FOXP2: variants seen among roughly 807,000 people sequenced by gnomAD.
The protein encoded by FOXP2 is forkhead box protein P2.
In FOXP2, 12 loss-of-function variants were observed where a neutral mutation model predicts 115.8. That is an observed-to-expected ratio of 0.10 (90% CI 0.07 to 0.17). FOXP2 has a LOEUF of 0.17. Among genes scored for constraint, FOXP2 ranks in the 10% least tolerant of loss-of-function variants. FOXP2 has a pLI of 1.00. For synonymous variants in FOXP2, 328 were observed against 297.7 expected, an observed-to-expected ratio of 1.10 and a Z score of -1.05; for missense variants, 629 against 843.5, an observed-to-expected ratio of 0.75 and a Z score of 3.15.
chr7:114,165,765 A>G (rs1372470247), intron 1 of FOXP2, among the ~76,000 whole-genome samples: 1 of 152,278 alleles, frequency 6.6e-6, no homozygotes, highest in East Asian at 1.9e-4. Context: ...TTGACAAACT[A>G]ATTCATGAGT....
chr7:114,321,135 C>G (rs1212486361), intron 2 of FOXP2, among the ~76,000 whole-genome samples: 1 of 152,004 alleles, frequency 6.6e-6, no homozygotes, highest in African/African-American at 2.4e-5. Flanking sequence ...AGTTAGGTAA[C>G]AAGGAGCCTC....
chr7:114,483,580 T>G (rs1045522048), intron 2 of FOXP2, among the ~76,000 whole-genome samples: 5 of 151,794 alleles, frequency 3.3e-5, no homozygotes, highest in Non-Finnish European at 7.4e-5. Context: ...CTCTTTCAAC[T>G]GGATGACATC....
chr7:114,145,948 A>T (rs969077465), intron 1 of FOXP2, among the ~76,000 whole-genome samples: 3 of 152,202 alleles, frequency 2.0e-5, no homozygotes, highest in Admixed American at 2.0e-4. Flanking sequence ...AAGTAGCAAA[A>T]CATTATTCTT....
chr7:114,108,842 T>C (rs1444049586), intron 1 of FOXP2, among the ~76,000 whole-genome samples: 1 of 151,986 alleles, frequency 6.6e-6, no homozygotes, highest in Non-Finnish European at 1.5e-5. Context: ...AAATGTTTCA[T>C]TTAATTGCTA....
chr7:114,299,715 T>C (rs1288418824), intron 2 of FOXP2, among the ~76,000 whole-genome samples: 4 of 151,938 alleles, frequency 2.6e-5, no homozygotes, highest in Non-Finnish European at 5.9e-5. Context: ...ATTTGAGGAG[T>C]TGGACCCTCA....
Position 114,690,344 on chromosome 7 carries a change from C to T in FOXP2, c.*418C>T, listed in dbSNP as rs1203209016. ...AGTTTCATTAATGTGAATTTTCCAG[C>T]ATTCAGTAGTTGTAATGTTAGAAAC... is the stretch of plus-strand genomic sequence containing the variant. On this transcript the variant is annotated 3_prime_UTR_variant, in exon 17 of 17. Coordinates refer to ENST00000350908, the MANE Select transcript of FOXP2 (RefSeq NM_014491.4). 4 of 454,226 alleles carry T rather than the reference C, an allele frequency of 8.8e-6. No homozygotes were observed. Among genetic ancestry groups the T allele is most frequent in the East Asian group, 1.4e-4 (2 of 14,414 alleles). The allele number at this position is 454,226 out of a possible 1,614,324, so 28.1% of individuals were successfully genotyped here.
chr7:114,574,065 A>T (rs17374201), intron 3 of FOXP2, among the ~76,000 whole-genome samples: 12,833 of 151,778 alleles, frequency 0.085, 609 homozygotes, highest in Middle Eastern at 0.16. Flanking sequence ...ATTGTTGAAC[A>T]GTAGTGATAT....
chr7:114,353,046 T>A (rs1475321784), intron 2 of FOXP2, among the ~76,000 whole-genome samples: 2 of 152,042 alleles, frequency 1.3e-5, no homozygotes, highest in African/African-American at 4.8e-5. Flanking sequence ...TCCTATCAAA[T>A]GGGATAGGTT....
upstream of FOXP2, chr7:114,086,678 A>G (rs902709912): frequency 7.1e-6 from 2 of 281,808 alleles, no homozygotes; most frequent in Admixed American, 4.9e-5. Context: ...AGCCACCTCC[A>G]CGCTGGGCCG....
chr7:114,276,794 TC>T (rs752617591), intron 1 of FOXP2, among the ~76,000 whole-genome samples: 1 of 152,200 alleles, frequency 6.6e-6, no homozygotes, highest in Non-Finnish European at 1.5e-5. Flanking sequence ...AATTGATTTT[TC>T]AGCCTGTTCA....
chr7:114,145,949 CATT>C (rs1430520430), intron 1 of FOXP2, among the ~76,000 whole-genome samples: 1 of 152,020 alleles, frequency 6.6e-6, no homozygotes, highest in Non-Finnish European at 1.5e-5. Context: ...AGTAGCAAAA[CATT>C]ATTCTTTACA....
Position 114,309,406 on chromosome 7 carries a change from A to C in FOXP2, c.-11+21297A>C, listed in dbSNP as rs926221096. 2.6e-5 allele frequency among the ~76,000 whole-genome samples: 4 copies of C among 152,326 alleles called. No homozygotes were observed. The South Asian group carries it at 6.2e-4, about 24-fold the overall frequency. On this transcript the variant is annotated intron_variant, in intron 2 of 17. Coordinates refer to the FOXP2 transcript ENST00000634411. ...TCATAGCAGGTGCTGTAAGTCTGGCATGCAGTGGTAGCTTCTGCATCGGAA... is the reference window on the plus strand; with the variant it reads ...TCATAGCAGGTGCTGTAAGTCTGGCCTGCAGTGGTAGCTTCTGCATCGGAA...
chr7:114,209,249 C>T (rs962107336), intron 1 of FOXP2, among the ~76,000 whole-genome samples: 12 of 152,164 alleles, frequency 7.9e-5, no homozygotes, highest in African/African-American at 2.9e-4. Flanking sequence ...GTTTGCTTCC[C>T]CTTCCACCAT....
chr7:114,441,165 C>T (rs572556339), intron 2 of FOXP2, among the ~76,000 whole-genome samples: 13 of 152,002 alleles, frequency 8.6e-5, no homozygotes, highest in South Asian at 8.3e-4. Context: ...TCGGAATGTT[C>T]GGCTGGGTGT....
intron 2 of FOXP2, among the ~76,000 whole-genome samples, chr7:114,352,318 A>C (rs1375177446): frequency 6.6e-6 from 1 of 152,098 alleles, no homozygotes; most frequent in African/African-American, 2.4e-5. Flanking sequence ...AAGTTGAGTC[A>C]GAAAGGTTAT....
intron 2 of FOXP2, among the ~76,000 whole-genome samples, chr7:114,363,093 A>G (rs1187868369): frequency 6.6e-6 from 1 of 152,112 alleles, no homozygotes; most frequent in Admixed American, 6.6e-5. Context: ...TCTCAATGGG[A>G]TAATAGATCA....
chr7:114,503,688 T>C (rs910967709), intron 2 of FOXP2, among the ~76,000 whole-genome samples: 2 of 151,306 alleles, frequency 1.3e-5, no homozygotes, highest in South Asian at 2.1e-4. Context: ...TAATCCACCT[T>C]TTACCTGCTG....
intron 2 of FOXP2, among the ~76,000 whole-genome samples, chr7:114,401,140 T>C (rs550099685): frequency 1.3e-5 from 2 of 152,186 alleles, no homozygotes; most frequent in South Asian, 2.1e-4. Flanking sequence ...AGGGTTCTTT[T>C]GATAAAACGG....
At position 114,538,645 on chromosome 7, in the gene FOXP2, G is replaced by A. The variant is rs1463695129; in HGVS notation, c.258+3939G>A. Among the ~76,000 whole-genome samples, 3 of 151,814 alleles carry A rather than the reference G, an allele frequency of 2.0e-5. No individual in the cohort carries two copies. The East Asian group carries it at 5.8e-4, about 29-fold the overall frequency. On this transcript the variant is annotated intron_variant, in intron 3 of 16. Transcript: ENST00000350908. ...AGTTACTTGACATCTTTAAAATAAA[G>A]ATGTTGGGCTAACTGATGAACAAGA...
Sources: gnomAD v4.1 joint callset for allele counts (sites outside exome capture counted in the v4.1 genomes callset) on GRCh38, gnomAD v4.1.1 for gene constraint, MANE v1.5 for transcripts, NCBI Gene and HGNC (gene_info 2026-07-23, HGNC 2026-07-21) for gene names.